RYK: variants seen among roughly 807,000 people sequenced by gnomAD.
RYK encodes the protein receptor like tyrosine kinase.
Under a neutral mutation model 70.2 loss-of-function variants are expected in RYK, and 21 were observed. The observed-to-expected ratio is 0.30, with a 90% CI of 0.21 to 0.43. RYK has a LOEUF of 0.43. RYK is among the 20% of genes least tolerant of loss of function. The pLI is 1.00. For synonymous variants in RYK, 267 were observed against 278.0 expected (o/e 0.96, Z 0.39); for missense variants, 604 against 753.3 (o/e 0.80, Z 2.32).
chr3:134,158,258 A>G lies in RYK; in HGVS notation c.1719T>C (p.Ala573=). 6.4e-7 allele frequency: 1 copy of G among 1,556,270 alleles called. No homozygotes were observed. Among genetic ancestry groups the G allele is most frequent in the Non-Finnish European group, 8.7e-7 (1 of 1,148,896 alleles). ...QPINCPDELF[A]VMACCWALDP... is the part of the protein sequence containing the mutation. Reference sequence around the variant, plus strand: ...CTAAGGCCCAGCAACAGGCCATCACAGCAAATCTGCAGAGTGACAAAAATG... The same window carrying G: ...CTAAGGCCCAGCAACAGGCCATCACGGCAAATCTGCAGAGTGACAAAAATG... Residue 573 remains alanine (A), a synonymous_variant, in exon 15 of 15, where the codon GCT becomes GCC. Coordinates refer to ENST00000623711, the MANE Select transcript of RYK (RefSeq NM_002958.4).
rs2014070883 is a variant in RYK at position 134,202,892 on chromosome 3, A to G, written c.644-18T>C. On this transcript the variant is annotated intron_variant, in intron 5 of 14. Transcript: ENST00000623711. ...AGGATCATCTGAAATAAAAACAAAA[A>G]GCACATTTAGCTTTTTAAACAAATA... 1.9e-6 allele frequency: 3 copies of G among 1,606,066 alleles called. No homozygotes were observed. Among genetic ancestry groups the G allele is most frequent in the Non-Finnish European group, 2.5e-6 (3 of 1,177,128 alleles).
At chr3:134,188,698 A>C (rs2013549393) in intron 9 of RYK, 139 bp downstream of exon 9, 1 of 567,870 alleles carries the variant, frequency 1.8e-6, no homozygotes, top group Non-Finnish European at 3.1e-6. Flanking sequence ...CATATAAGAC[A>C]ATTTTTGTTT....
chr3:134,223,585 T>C (rs969706289), intron 1 of RYK, among the ~76,000 whole-genome samples: 1 of 148,822 alleles, frequency 6.7e-6, no homozygotes, highest in Non-Finnish European at 1.5e-5. Context: ...GAGGGAGGTA[T>C]AATCAAGTGT....
chr3:134,182,913 C>T lies in RYK; in HGVS notation c.1172+89G>A, dbSNP rs997401554. The T allele has an allele frequency of 1.5e-5, 11 of 736,376 alleles. No homozygotes were observed. The African/African-American group carries it at 1.6e-4, about 11-fold the overall frequency. 45.6% of individuals were successfully genotyped at this position (736,376 alleles called of 1,614,324 possible). On this transcript the variant is annotated intron_variant, in intron 10 of 14. Transcript: ENST00000623711. The stretch of plus-strand genomic sequence containing the variant: ...AAGCTATTCCACAAAGCTTTCAATT[C>T]AGAAGTCATCACAATGTTCTGCACA...
At chr3:134,239,709 A>G (rs1453287281) in intron 1 of RYK, among the ~76,000 whole-genome samples, 1 of 152,204 alleles carries the variant, frequency 6.6e-6, no homozygotes, top group Non-Finnish European at 1.5e-5. Context: ...ATACTGTTTT[A>G]GGTGCTAAAA....
chr3:134,230,689 T>C (rs1413755654), intron 1 of RYK, among the ~76,000 whole-genome samples: 4 of 152,236 alleles, frequency 2.6e-5, no homozygotes, highest in African/African-American at 9.6e-5. Context: ...GTTGAATTTA[T>C]TACAAAGAGG....
rs1272762390 is a variant in RYK, at chr3:134,159,305, G to A, written c.1644C>T (p.Pro548=). ...CTTTCAGGTATGCGGCCATCTCGAA[G>A]GGGTCAATGTCCACGTAGGGAGTCT... ...LGQTPYVDID[P]FEMAAYLKDG... Residue 548 remains proline (P), a synonymous_variant, in exon 14 of 15, where the codon CCC becomes CCT. Transcript: ENST00000623711. 118 of 1,613,928 alleles carry A rather than the reference G, an allele frequency of 7.3e-5. No homozygotes were observed. Among genetic ancestry groups the A allele is most frequent in the Non-Finnish European group, 9.7e-5 (114 of 1,179,846 alleles).
At chr3:134,224,512 G>A (rs953200644) in intron 1 of RYK, among the ~76,000 whole-genome samples, 4 of 152,316 alleles carry the variant, frequency 2.6e-5, no homozygotes, top group East Asian at 1.9e-4. Flanking sequence ...GCAGGGAGAC[G>A]TTTAGGCCTC....
At chr3:134,175,095 G>C (rs1456978502) in intron 13 of RYK, among the ~76,000 whole-genome samples, 1 of 152,158 alleles carries the variant, frequency 6.6e-6, no homozygotes, top group East Asian at 1.9e-4. Flanking sequence ...CAGGACTTTG[G>C]GAGGCGGAGG....
Position 134,195,392 on chromosome 3 carries a change from G to C in RYK, c.789-210C>G, listed in dbSNP as rs2013779914. 4.5e-6 allele frequency: 2 copies of C among 443,248 alleles called. 1 individual carries two copies. Among genetic ancestry groups the C allele is most frequent in the South Asian group, 5.3e-5 (2 of 37,486 alleles). The allele number at this position is 443,248 out of a possible 1,614,324, so 27.5% of individuals were successfully genotyped here. On this transcript the variant is annotated intron_variant, in intron 6 of 14. Coordinates refer to ENST00000623711, the MANE Select transcript of RYK (RefSeq NM_002958.4). The stretch of plus-strand genomic sequence containing the variant: ...TCATTTCTATCTCCAAAATCATTAA[G>C]CGAGTTCATCTTATCAAAATTATTC...
Position 134,183,023 on chromosome 3 carries a change from T to C in RYK, c.1151A>G (p.Lys384Arg). ...TCACCTGTGATGAAGACCTCGCAGC[T>C]TACAACTTTCAGTGAGCATCATTGT... Reference protein sequence around the residue: ...QVTMMLTESCKLRGLHHRNLL... With the variant: ...QVTMMLTESCRLRGLHHRNLL... Residue 384 changes from lysine (K) to arginine (R), a missense_variant, in exon 10 of 15, where the codon AAG becomes AGG. By Grantham distance (26) the Lys-to-Arg change is conservative (BLOSUM62 2). Around this residue, in one of 2 missense-constraint regions of RYK, gnomAD observed 466 missense variants for 535.9 expected, o/e 0.87. Coordinates refer to ENST00000623711, the MANE Select transcript of RYK (RefSeq NM_002958.4). The C allele has an allele frequency of 6.3e-6, 10 of 1,590,462 alleles. No individual in the cohort carries two copies. The highest frequency in any genetic ancestry group is 8.6e-6 in the Non-Finnish European group (10 of 1,166,922).
At chr3:134,201,864 C>A (rs1047094663) in intron 6 of RYK, among the ~76,000 whole-genome samples, 2 of 152,176 alleles carry the variant, frequency 1.3e-5, no homozygotes, top group Non-Finnish European at 2.9e-5. Context: ...CAGGCAGCAA[C>A]TGGAAATCAC....
chr3:134,240,020 A>T (rs1340792249), intron 1 of RYK, among the ~76,000 whole-genome samples: 1 of 152,234 alleles, frequency 6.6e-6, no homozygotes, highest in African/African-American at 2.4e-5. Context: ...AGGGGCAGGG[A>T]TAAGAGTGGA....
intron 10 of RYK, among the ~76,000 whole-genome samples, chr3:134,182,329 G>A (rs562974852): frequency 1.5e-3 from 223 of 152,216 alleles, no homozygotes; most frequent in South Asian, 0.015. Flanking sequence ...AATATCAAAA[G>A]TCAGATACAT....
At chr3:134,232,457 T>A (rs1017595009) in intron 1 of RYK, among the ~76,000 whole-genome samples, 1 of 152,174 alleles carries the variant, frequency 6.6e-6, no homozygotes, top group Non-Finnish European at 1.5e-5. Context: ...AAATAAATAT[T>A]TATAAGCTGC....
chr3:134,227,876 TGTTA>T (rs2014953056), intron 1 of RYK, among the ~76,000 whole-genome samples: 1 of 152,174 alleles, frequency 6.6e-6, no homozygotes, highest in South Asian at 2.1e-4. Context: ...GGTTTCACCA[TGTTA>T]GCCAGGATAG....
intron 1 of RYK, among the ~76,000 whole-genome samples, chr3:134,244,842 T>C (rs1180657159): frequency 2.6e-5 from 4 of 152,314 alleles, no homozygotes; most frequent in Non-Finnish European, 4.4e-5. Flanking sequence ...GTAGGGCCCT[T>C]TGGGAGGTGA....
chr3:134,231,066 T>C (rs896208599), intron 1 of RYK, among the ~76,000 whole-genome samples: 10 of 151,142 alleles, frequency 6.6e-5, no homozygotes, highest in Non-Finnish European at 1.5e-5. Flanking sequence ...CTGGTAATAA[T>C]AACAAAAAAT....
intron 2 of RYK, among the ~76,000 whole-genome samples, chr3:134,220,762 T>G (rs2014710343): frequency 6.6e-6 from 1 of 152,160 alleles, no homozygotes; most frequent in Non-Finnish European, 1.5e-5. Flanking sequence ...TTGAAAAATT[T>G]TTAAATAAAA....
Sources: allele counts gnomAD v4.1 joint callset (sites outside exome capture counted in the v4.1 genomes callset), GRCh38; gene constraint gnomAD v4.1.1; regional missense constraint gnomAD v4.1.1; transcripts MANE v1.5; gene names NCBI Gene and HGNC (gene_info 2026-07-23, HGNC 2026-07-21).